Variants in DYNC1I1 observed in about 807,000 individuals in gnomAD.
The protein encoded by DYNC1I1 is dynein cytoplasmic 1 intermediate chain 1.
In DYNC1I1, 43 loss-of-function variants were observed where a neutral mutation model predicts 86.6. That is an observed-to-expected ratio of 0.50 (90% CI 0.39 to 0.64). The LOEUF (loss-of-function observed/expected upper bound fraction) is 0.64. DYNC1I1 is among the 30% of genes least tolerant of loss of function. The pLI, the probability that DYNC1I1 is intolerant of heterozygous loss-of-function variation, is 0.00. For synonymous variants in DYNC1I1, 262 were observed against 283.7 expected (o/e 0.92, Z 0.77); for missense variants, 604 against 788.8 (o/e 0.77, Z 2.81).
At chr7:95,970,954 T>C (rs1363886919) in intron 6 of DYNC1I1, among the ~76,000 whole-genome samples, 1 of 152,116 alleles carries the variant, frequency 6.6e-6, no homozygotes, top group South Asian at 2.1e-4. Flanking sequence ...TCAAGACAGA[T>C]GCTGGAGGTG....
Position 95,828,053 on chromosome 7 carries a change from T to C in DYNC1I1, c.315-4T>C, listed in dbSNP as rs1795241577. 1 of 1,613,682 alleles carries C rather than the reference T, an allele frequency of 6.2e-7. No homozygotes were observed. Among genetic ancestry groups the C allele is most frequent in the South Asian group, 1.1e-5 (1 of 91,062 alleles). Reference sequence around the variant, plus strand: ...GTTCTTTTTCCTTTGTGCTGCACAATTAGGACCCTGCAGTGGGACACAGAC... The same window carrying C: ...GTTCTTTTTCCTTTGTGCTGCACAACTAGGACCCTGCAGTGGGACACAGAC... On this transcript the variant is annotated splice_polypyrimidine_tract_variant and splice_region_variant and intron_variant, in intron 4 of 16. Transcript: ENST00000447467.
At chr7:95,905,792 C>G (rs1164612315) in intron 6 of DYNC1I1, among the ~76,000 whole-genome samples, 1 of 152,086 alleles carries the variant, frequency 6.6e-6, no homozygotes, top group Non-Finnish European at 1.5e-5. Context: ...AAGTCCCACT[C>G]TCACCTTTGC....
At chr7:95,820,087 A>G (rs1028505951) in intron 4 of DYNC1I1, among the ~76,000 whole-genome samples, 13 of 152,198 alleles carry the variant, frequency 8.5e-5, no homozygotes, top group African/African-American at 1.2e-4. Context: ...CTGGAGCTCC[A>G]TATTAGGGCT....
chr7:95,925,931 G>T (rs1237260029), intron 6 of DYNC1I1, among the ~76,000 whole-genome samples: 2 of 152,054 alleles, frequency 1.3e-5, no homozygotes, highest in South Asian at 4.2e-4. Flanking sequence ...TTCTAATAAA[G>T]TTCCTTAATA....
intron 6 of DYNC1I1, among the ~76,000 whole-genome samples, chr7:95,951,869 C>T (rs964224867): frequency 6.6e-6 from 1 of 152,188 alleles, no homozygotes; most frequent in Non-Finnish European, 1.5e-5. Flanking sequence ...AAGCACCTGT[C>T]CTGATGCTTC....
At chr7:95,948,502 TG>T (rs1270160074) in intron 6 of DYNC1I1, among the ~76,000 whole-genome samples, 2 of 152,200 alleles carry the variant, frequency 1.3e-5, no homozygotes, top group African/African-American at 4.8e-5. Flanking sequence ...GGAGTGGCTT[TG>T]TTAACCTCAA....
intron 6 of DYNC1I1, among the ~76,000 whole-genome samples, chr7:95,890,834 G>C (rs1017742998): frequency 6.6e-6 from 1 of 152,136 alleles, no homozygotes; most frequent in Admixed American, 6.5e-5. Flanking sequence ...TTTGAAAACT[G>C]TTGGTTTATT....
chr7:95,880,222 A>C (rs1014439602), intron 6 of DYNC1I1, among the ~76,000 whole-genome samples: 6 of 152,124 alleles, frequency 3.9e-5, no homozygotes, highest in Non-Finnish European at 8.8e-5. Flanking sequence ...CAGTCCTCCC[A>C]CATGGTAAGA....
At chr7:95,942,033 G>T (rs1792239378) in intron 6 of DYNC1I1, among the ~76,000 whole-genome samples, 1 of 152,166 alleles carries the variant, frequency 6.6e-6, no homozygotes, top group Non-Finnish European at 1.5e-5. Context: ...GAGCAGAACT[G>T]AAGGAAATAG....
rs1793838937 is a variant in DYNC1I1, at chr7:95,776,314, A to T, written c.-10+3541A>T. On this transcript the variant is annotated intron_variant, in intron 1 of 16. Coordinates refer to ENST00000447467, the MANE Select transcript of DYNC1I1 (RefSeq NM_001135556.2). Reference sequence around the variant, plus strand: ...ATCTCAGAGTGAAGTTTCCATCGTAACATAGATACCTCTGCCTAGGTGCTA... The same window carrying T: ...ATCTCAGAGTGAAGTTTCCATCGTATCATAGATACCTCTGCCTAGGTGCTA... Among the ~76,000 whole-genome samples the T allele has an allele frequency of 3.9e-5, 6 of 152,166 alleles. No individual in the cohort carries two copies. In the South Asian group the frequency reaches 1.2e-3, roughly 32 times the overall value.
intron 9 of DYNC1I1, among the ~76,000 whole-genome samples, chr7:95,993,400 G>C (rs779601542): frequency 6.6e-6 from 1 of 152,196 alleles, no homozygotes; most frequent in Non-Finnish European, 1.5e-5. Context: ...ATGAGACCCA[G>C]CTGGGTGATA....
At chr7:96,107,500 G>A (rs1202202997) in intron 16 of DYNC1I1, among the ~76,000 whole-genome samples, 1 of 148,030 alleles carries the variant, frequency 6.8e-6, no homozygotes, top group Non-Finnish European at 1.5e-5. Context: ...GGAAAAGTTT[G>A]TTTATGCTTA....
At position 96,032,424 on chromosome 7, in the gene DYNC1I1, C is replaced by T. The variant is rs1489124938; in HGVS notation, c.1117-243C>T. Among the ~76,000 whole-genome samples the T allele has an allele frequency of 2.0e-5, 3 of 152,258 alleles. No homozygotes were observed. In the East Asian group the frequency reaches 5.8e-4, roughly 29 times the overall value. On this transcript the variant is annotated intron_variant, in intron 11 of 16. Transcript: ENST00000447467. ...CATTTGTTCTAGCGTCCTTCTGTTC[C>T]ACTGCATTGCATTCTGACTGAGCAA...
intron 1 of DYNC1I1, chr7:95,804,445 T>C: frequency 8.5e-7 from 1 of 1,172,410 alleles, no homozygotes; most frequent in Non-Finnish European, 1.1e-6. Context: ...GTGTTGCTTA[T>C]CTGGAAGTTG....
At chr7:95,986,041 T>C (rs1445960417) in intron 8 of DYNC1I1, among the ~76,000 whole-genome samples, 1 of 151,144 alleles carries the variant, frequency 6.6e-6, no homozygotes, top group East Asian at 1.9e-4. Context: ...TGTGTGTGTG[T>C]GTGTGTGTGT....
intron 10 of DYNC1I1, among the ~76,000 whole-genome samples, chr7:96,019,808 T>C (rs185240935): frequency 3.8e-4 from 58 of 152,246 alleles, no homozygotes; most frequent in Non-Finnish European, 1.6e-4. Context: ...ACTGAAATTA[T>C]TGGAGAAAGA....
chr7:96,106,759 C>G (rs1791221239), intron 16 of DYNC1I1, among the ~76,000 whole-genome samples: 1 of 151,998 alleles, frequency 6.6e-6, no homozygotes, highest in African/African-American at 2.4e-5. Flanking sequence ...TTTGATTCTG[C>G]TTAGTGAGAA....
chr7:95,983,076 AG>A (rs1363090931), intron 7 of DYNC1I1, among the ~76,000 whole-genome samples: 1 of 152,186 alleles, frequency 6.6e-6, no homozygotes, highest in Non-Finnish European at 1.5e-5. Context: ...AGCATATGGC[AG>A]GGTGCTTGAT....
chr7:95,880,097 G>A (rs1266025998), intron 6 of DYNC1I1, among the ~76,000 whole-genome samples: 5 of 152,024 alleles, frequency 3.3e-5, no homozygotes, highest in African/African-American at 1.2e-4. Flanking sequence ...TGATAGTTTG[G>A]CCTTTATTTG....
Sources: gnomAD v4.1 joint callset for allele counts (sites outside exome capture counted in the v4.1 genomes callset) on GRCh38, gnomAD v4.1.1 for gene constraint, MANE v1.5 for transcripts, NCBI Gene and HGNC (gene_info 2026-07-23, HGNC 2026-07-21) for gene names.